Variants in MARS1 observed in about 807,000 individuals in gnomAD.
The protein encoded by MARS1 is methionine--tRNA ligase, cytoplasmic.
In MARS1, 80 loss-of-function variants were observed where a neutral mutation model predicts 119.5. The ratio of observed to expected loss-of-function variants is 0.67; its 90% CI spans 0.56 to 0.81. The LOEUF is 0.81. Ranked by LOEUF, MARS1 falls within the 30% of genes least tolerant of loss-of-function variation. MARS1 has a pLI of 0.00. For missense variants in MARS1, 945 were observed against 1,116.5 expected, an observed-to-expected ratio of 0.85 and a Z score of 2.19; for synonymous variants, 418 against 433.4, an observed-to-expected ratio of 0.96 and a Z score of 0.44.
chr12:57,512,743 C>T lies in MARS1; in HGVS notation c.1754-8C>T. ...GCAGATGGTTCTCACTCATTCTCCT[C>T]TGTCCAGAGTACCTGAACTATGAGG... is the stretch of plus-strand genomic sequence containing the variant. On this transcript the variant is annotated splice_region_variant and splice_polypyrimidine_tract_variant and intron_variant, in intron 14 of 20. Coordinates refer to ENST00000262027, the MANE Select transcript of MARS1 (RefSeq NM_004990.4). 1 of 1,609,878 alleles carries T rather than the reference C, an allele frequency of 6.2e-7. No homozygotes were observed. The highest frequency in any genetic ancestry group is 2.2e-5 in the East Asian group (1 of 44,836).
At chr12:57,503,028 AAACAAC>A (rs199629182) in intron 10 of MARS1, among the ~76,000 whole-genome samples, 19 of 151,832 alleles carry the variant, frequency 1.3e-4, no homozygotes, top group African/African-American at 3.4e-4. Context: ...TTCGTCTCAA[AAACAAC>A]AACAACAACA....
At chr12:57,506,718 C>G (rs1301302818) in intron 11 of MARS1, among the ~76,000 whole-genome samples, 1 of 152,146 alleles carries the variant, frequency 6.6e-6, no homozygotes, top group East Asian at 1.9e-4. Flanking sequence ...GCTCTGTTGC[C>G]CAGACTGTAG....
chr12:57,495,782 C>T (rs1377451069), intron 7 of MARS1, among the ~76,000 whole-genome samples: 1 of 152,204 alleles, frequency 6.6e-6, no homozygotes, highest in South Asian at 2.1e-4. Context: ...GCAGATCACT[C>T]GCGGTCAGGA....
intron 4 of MARS1, 168 bp from the exon 5 acceptor site, chr12:57,489,728 A>G (rs1875781039): frequency 9.2e-7 from 1 of 1,087,964 alleles, no homozygotes; most frequent in South Asian, 1.5e-5. Flanking sequence ...GAAATGGGAT[A>G]ATATTAGTAC....
chr12:57,516,076 C>T, intron 19 of MARS1, 85 bp downstream of exon 19: 1 of 1,461,242 alleles, frequency 6.8e-7, no homozygotes, highest in Non-Finnish European at 9.6e-7. Context: ...TCACCCATCA[C>T]TCTTTCCATC....
At chr12:57,504,064 T>A in intron 10 of MARS1, 161 bp from the exon 11 acceptor site, 1 of 606,702 alleles carries the variant, frequency 1.6e-6, no homozygotes, top group Non-Finnish European at 3.0e-6. Context: ...GATTTGAGTC[T>A]CCATGTTTAG....
In MARS1 at chr12:57,508,699, A is replaced by AGGTAGAG. The variant is rs1555167935; in HGVS notation, c.1369-2982_1369-2976dup. ...TGGGGAGAGGTAGAGGTAGAGGTAG[A>AGGTAGAG]GGTAGAGGGTAGAGGGTAGAGGGAG... On this transcript the variant is annotated intron_variant, in intron 11 of 20. Transcript: ENST00000262027. Among the ~76,000 whole-genome samples the AGGTAGAG allele has an allele frequency of 2.8e-3, 412 of 145,762 alleles. 4 individuals are homozygous for AGGTAGAG. The highest frequency in any genetic ancestry group is 0.028 in the East Asian group (133 of 4,836).
intron 1 of MARS1, chr12:57,488,437 C>G (rs1284434076): frequency 1.1e-6 from 1 of 883,540 alleles, no homozygotes; most frequent in Non-Finnish European, 1.7e-6. Context: ...TCCGTCTTCC[C>G]GGTCCCCGCC....
At chr12:57,500,250 G>A (rs1876855899) in intron 9 of MARS1, 71 bp from the exon 10 acceptor site, 4 of 1,276,892 alleles carry the variant, frequency 3.1e-6, no homozygotes, top group Non-Finnish European at 4.6e-6. Context: ...GTCCCTGGTT[G>A]GAGTGGCAGG....
At chr12:57,492,104 C>T (rs905517219) in intron 7 of MARS1, among the ~76,000 whole-genome samples, 5 of 150,964 alleles carry the variant, frequency 3.3e-5, no homozygotes, top group African/African-American at 1.2e-4. Flanking sequence ...CATGGTGAAA[C>T]CCTGCCTCTA....
At chr12:57,495,451 GGCAGAGAC>G (rs1344585988) in intron 7 of MARS1, among the ~76,000 whole-genome samples, 3 of 151,802 alleles carry the variant, frequency 2.0e-5, no homozygotes, top group Non-Finnish European at 2.9e-5. Flanking sequence ...TGGGCGGCCA[GGCAGAGAC>G]GCTTCTCACT....
intron 8 of MARS1, 46 bp downstream of exon 8, chr12:57,498,319 T>C (rs1264968953): frequency 6.3e-7 from 1 of 1,599,814 alleles, no homozygotes; most frequent in East Asian, 2.2e-5. Flanking sequence ...GAAGGGCGGG[T>C]CCCAGGGGAA....
At chr12:57,492,714 CAG>C (rs1185258237) in intron 7 of MARS1, among the ~76,000 whole-genome samples, 26 of 139,682 alleles carry the variant, frequency 1.9e-4, no homozygotes, top group African/African-American at 4.5e-4. Context: ...CACACACACA[CAG>C]ACGTAAACAA....
chr12:57,498,342 A>G lies in MARS1; in HGVS notation c.887+69A>G, dbSNP rs1161071647. The G allele has an allele frequency of 3.8e-6, 6 of 1,595,298 alleles. No individual in the cohort carries two copies. In the East Asian group the frequency reaches 6.7e-5, roughly 18 times the overall value. On this transcript the variant is annotated intron_variant, in intron 8 of 20. Transcript: ENST00000262027. Reference sequence around the variant, plus strand: ...GGTCCCAGGGGAATAGGATGCTTCAAGGGTGGGGCTGGGGAGATCCCAAGG... The same window carrying G: ...GGTCCCAGGGGAATAGGATGCTTCAGGGGTGGGGCTGGGGAGATCCCAAGG...
intron 10 of MARS1, chr12:57,503,932 T>A (rs980205573): frequency 1.7e-5 from 5 of 287,000 alleles, no homozygotes; most frequent in Non-Finnish European, 3.2e-5. Flanking sequence ...CTTCCTCCCC[T>A]CACACAGCCA....
Position 57,512,889 on chromosome 12 carries a change from G to T in MARS1, c.1892G>T (p.Ser631Ile), listed in dbSNP as rs745706047. 60 of 1,614,148 alleles carry T rather than the reference G, an allele frequency of 3.7e-5. No individual in the cohort carries two copies. Among genetic ancestry groups the T allele is most frequent in the Non-Finnish European group, 5.0e-5 (59 of 1,180,058 alleles). The change falls in exon 15 of 21, where the codon AGT becomes ATT. Residue 631 changes from serine (S) to isoleucine (I), a missense_variant. Coordinates refer to ENST00000262027, the MANE Select transcript of MARS1 (RefSeq NM_004990.4). ...TACATTCGGCCTGAGGGCCAGGACA[G>T]TGCTTTCTCCTGGACGGACCTGCTG... ...LLYIRPEGQDSAFSWTDLLLK... is the reference protein window; with the variant it reads ...LLYIRPEGQDIAFSWTDLLLK...
intron 15 of MARS1, among the ~76,000 whole-genome samples, chr12:57,513,681 T>C (rs1038388185): frequency 6.6e-6 from 1 of 150,932 alleles, no homozygotes; most frequent in Non-Finnish European, 1.5e-5. Flanking sequence ...TACCTTAGGC[T>C]CACATTCTAT....
At chr12:57,512,477 T>A in intron 14 of MARS1, 124 bp downstream of exon 14, 1 of 752,588 alleles carries the variant, frequency 1.3e-6, no homozygotes, top group Non-Finnish European at 2.2e-6. Context: ...AGGAAATAAT[T>A]AAAATGAGAA....
chr12:57,500,945 TTTA>T, intron 10 of MARS1, among the ~76,000 whole-genome samples: 1 of 152,366 alleles, frequency 6.6e-6, no homozygotes, highest in Non-Finnish European at 1.5e-5. Context: ...TAAGACAGAT[TTTA>T]TTTAGTATGG....
Sources: allele counts gnomAD v4.1 joint callset (sites outside exome capture counted in the v4.1 genomes callset), GRCh38; gene constraint gnomAD v4.1.1; transcripts MANE v1.5; gene names NCBI Gene and HGNC (gene_info 2026-07-23, HGNC 2026-07-21).